The following FAM91A1 variants were observed in gnomAD, a reference collection of about 807,000 sequenced individuals.
FAM91A1 encodes the protein protein FAM91A1.
FAM91A1 carries 41 observed loss-of-function variants against 113.5 expected under a neutral mutation model. The observed-to-expected ratio is 0.36, with a 90% CI of 0.28 to 0.47. The LOEUF is 0.47. Among genes scored for constraint, FAM91A1 ranks in the 20% least tolerant of loss-of-function variants. FAM91A1 has a pLI of 1.00. For missense variants in FAM91A1, 696 were observed against 1,001.2 expected (o/e 0.70, Z 4.11); for synonymous variants, 307 against 347.9 (o/e 0.88, Z 1.31).
At chr8:123,786,299 G>C (rs971743856) in intron 11 of FAM91A1, 196 bp from the exon 12 acceptor site, 4 of 524,774 alleles carry the variant, frequency 7.6e-6, no homozygotes, top group African/African-American at 7.6e-5. Flanking sequence ...ATTTTCTGAA[G>C]CCTATCCGTG....
At chr8:123,777,965 G>T in intron 4 of FAM91A1, 60 bp from the exon 5 acceptor site, 2 of 1,416,376 alleles carry the variant, frequency 1.4e-6, no homozygotes, top group South Asian at 1.2e-5. Flanking sequence ...AATCGCTTGT[G>T]AACATATTGA....
chr8:123,788,753 C>G (rs1214426649), intron 14 of FAM91A1, among the ~76,000 whole-genome samples: 3 of 152,006 alleles, frequency 2.0e-5, no homozygotes, highest in African/African-American at 7.2e-5. Flanking sequence ...AGTCTTTTAT[C>G]AAATGTAGCA....
rs1278733076 is a variant in FAM91A1 at position 123,812,917 on chromosome 8, A to T, written c.*213A>T. ...AGTGCTTTTTAGCAGCCAGCACTGTATTTTTTACCTTGAGACAATCTGCAT... is the reference window on the plus strand; with the variant it reads ...AGTGCTTTTTAGCAGCCAGCACTGTTTTTTTTACCTTGAGACAATCTGCAT... On this transcript the variant is annotated 3_prime_UTR_variant, in exon 24 of 24. Coordinates refer to ENST00000334705, the MANE Select transcript of FAM91A1 (RefSeq NM_144963.4). 4.9e-6 allele frequency: 2 copies of T among 408,254 alleles called. No individual in the cohort carries two copies. The highest frequency in any genetic ancestry group is 8.7e-6 in the Non-Finnish European group (2 of 229,386). The allele number at this position is 408,254 out of a possible 1,614,324, so 25.3% of individuals were successfully genotyped here. A position where few individuals can be genotyped will look rare whatever the true frequency, so the allele number is the denominator to read the frequency against.
chr8:123,808,528 A>G (rs569016635), intron 21 of FAM91A1, 152 bp downstream of exon 21: 39 of 550,696 alleles, frequency 7.1e-5, no homozygotes, highest in African/African-American at 5.2e-4. Context: ...TACTTAGAAA[A>G]ATAATTCAAG....
chr8:123,776,244 T>G (rs1339740454), intron 3 of FAM91A1, among the ~76,000 whole-genome samples: 1 of 152,240 alleles, frequency 6.6e-6, no homozygotes, highest in African/African-American at 2.4e-5. Context: ...TATTTAGTAT[T>G]CATTTGCTCC....
At chr8:123,800,713 A>C (rs1283314077) in intron 18 of FAM91A1, among the ~76,000 whole-genome samples, 7 of 152,122 alleles carry the variant, frequency 4.6e-5, no homozygotes, top group Non-Finnish European at 1.0e-4. Flanking sequence ...AGCAACACTA[A>C]TCTACTTGTT....
Position 123,780,082 on chromosome 8 carries a change from G to A in FAM91A1, c.640+7G>A, listed in dbSNP as rs1233795674. 5 of 1,601,960 alleles carry A rather than the reference G, an allele frequency of 3.1e-6. No individual in the cohort carries two copies. Among genetic ancestry groups the A allele is most frequent in the East Asian group, 2.2e-5 (1 of 44,740 alleles). On this transcript the variant is annotated splice_region_variant and intron_variant, in intron 7 of 23. Transcript: ENST00000334705. ...GATTACAATGTAGTACATAGTAAGT[G>A]GTTAGTAGAAATGGTCTTTTGTCAA...
At chr8:123,794,831 A>G (rs1281244829) in intron 15 of FAM91A1, among the ~76,000 whole-genome samples, 4 of 152,228 alleles carry the variant, frequency 2.6e-5, no homozygotes, top group African/African-American at 4.8e-5. Flanking sequence ...ATTGCGTGGT[A>G]TGTACTGCAG....
At chr8:123,770,974 T>C (rs1470924459) in intron 1 of FAM91A1, among the ~76,000 whole-genome samples, 2 of 152,220 alleles carry the variant, frequency 1.3e-5, no homozygotes, top group African/African-American at 4.8e-5. Context: ...CTCTGGTCTC[T>C]TGCTCTTAGA....
intron 15 of FAM91A1, among the ~76,000 whole-genome samples, chr8:123,796,445 G>A (rs185802841): frequency 5.1e-4 from 76 of 149,112 alleles, no homozygotes; most frequent in East Asian, 4.4e-3. Flanking sequence ...ATGGCTAAAA[G>A]GTAGGGAGTG....
chr8:123,808,297 A>G lies in FAM91A1; in HGVS notation c.2058A>G (p.Ser686=). 1.2e-6 allele frequency: 2 copies of G among 1,613,040 alleles called. No homozygotes were observed. The highest frequency in any genetic ancestry group is 1.7e-6 in the Non-Finnish European group (2 of 1,179,572). Residue 686 remains serine (S), a synonymous_variant, in exon 21 of 24, where the codon TCA becomes TCG. Transcript: ENST00000334705. ...GAGAACCTGATTTGGCTTCTGGCTCAGATGTAAATGGGAGTACAGAGTCAT... is the reference window on the plus strand; with the variant it reads ...GAGAACCTGATTTGGCTTCTGGCTCGGATGTAAATGGGAGTACAGAGTCAT... ...ERGEPDLASG[S]DVNGSTESFE... is the part of the protein sequence containing the mutation.
chr8:123,788,400 G>A (rs1815308011), intron 14 of FAM91A1, among the ~76,000 whole-genome samples: 1 of 151,256 alleles, frequency 6.6e-6, no homozygotes, highest in Non-Finnish European at 1.5e-5. Context: ...CGTGCCTTTT[G>A]TGCTTTATGA....
chr8:123,775,423 T>A, intron 3 of FAM91A1, 125 bp downstream of exon 3: 1 of 1,152,924 alleles, frequency 8.7e-7, no homozygotes, highest in Non-Finnish European at 1.2e-6. Context: ...ACTTATAGTG[T>A]AAAAAGGACT....
chr8:123,776,066 C>T (rs1440675552), intron 3 of FAM91A1, among the ~76,000 whole-genome samples: 9 of 152,100 alleles, frequency 5.9e-5, no homozygotes, highest in Non-Finnish European at 1.3e-4. Flanking sequence ...AATACAGGTG[C>T]CAGAAAAGAG....
At chr8:123,779,067 C>G (rs2130060861) in intron 6 of FAM91A1, among the ~76,000 whole-genome samples, 1 of 152,276 alleles carries the variant, frequency 6.6e-6, no homozygotes, top group East Asian at 1.9e-4. Context: ...ATAATACTGG[C>G]TAACACTTTT....
intron 14 of FAM91A1, among the ~76,000 whole-genome samples, chr8:123,788,476 T>TAA (rs146978782): frequency 6.7e-6 from 1 of 148,874 alleles, no homozygotes; most frequent in African/African-American, 2.5e-5. Flanking sequence ...CTTTATATCT[T>TAA]AAAAAAAAAA....
In FAM91A1 at chr8:123,814,038, A is replaced by T. The variant is rs1586402085; in HGVS notation, c.*1334A>T. ...GAAATATATGCCTTTCCTAAAACTT[A>T]ACCATGCATTCAATACCATGGCCTA... On this transcript the variant is annotated 3_prime_UTR_variant, in exon 24 of 24. Transcript: ENST00000334705. 3.4e-6 allele frequency: 1 copy of T among 292,620 alleles called. No individual in the cohort carries two copies. The highest frequency in any genetic ancestry group is 2.8e-5 in the South Asian group (1 of 35,676). 18.1% of individuals were successfully genotyped at this position (292,620 alleles called of 1,614,324 possible).
At position 123,813,935 on chromosome 8, in the gene FAM91A1, A is replaced by T. The variant is rs1261866312; in HGVS notation, c.*1231A>T. ...CACTTAAAATGTTAGGAAGTTTGGG[A>T]ATGTTATAACCTAAACGTTTTTGCT... On this transcript the variant is annotated 3_prime_UTR_variant, in exon 24 of 24. Transcript: ENST00000334705. 4.7e-6 allele frequency: 1 copy of T among 212,204 alleles called. No individual in the cohort carries two copies. The highest frequency in any genetic ancestry group is 2.4e-5 in the African/African-American group (1 of 41,784). 13.1% of individuals were successfully genotyped at this position (212,204 alleles called of 1,614,324 possible). A position where few individuals can be genotyped will look rare whatever the true frequency, so the allele number is the denominator to read the frequency against.
chr8:123,808,320 C>T lies in FAM91A1; in HGVS notation c.2081C>T (p.Ser694Leu), dbSNP rs769754566. The T allele has an allele frequency of 5.6e-6, 9 of 1,613,354 alleles. No homozygotes were observed. Among genetic ancestry groups the T allele is most frequent in the Non-Finnish European group, 6.8e-6 (8 of 1,179,666 alleles). ...SGSDVNGSTE[S>L]FEMVIEEATI... ...TCAGATGTAAATGGGAGTACAGAGT[C>T]ATTTGAAATGGTCATTGAGGAAGCA... Residue 694 changes from serine (S) to leucine (L), a missense_variant, in exon 21 of 24, where the codon TCA becomes TTA. Transcript: ENST00000334705.
Sources: gnomAD v4.1 joint callset for allele counts (sites outside exome capture counted in the v4.1 genomes callset) on GRCh38, gnomAD v4.1.1 for gene constraint, MANE v1.5 for transcripts, NCBI Gene and HGNC (gene_info 2026-07-23, HGNC 2026-07-21) for gene names.